RORB: variants seen among roughly 807,000 people sequenced by gnomAD.
RORB encodes the protein nuclear receptor ROR-beta.
RORB carries 6 observed loss-of-function variants against 59.1 expected under a neutral mutation model. That is an observed-to-expected ratio of 0.10 (90% CI 0.06 to 0.20). The LOEUF (loss-of-function observed/expected upper bound fraction) is 0.20. Ranked by LOEUF, RORB falls within the 10% of genes least tolerant of loss-of-function variation. The pLI, the probability that RORB is intolerant of heterozygous loss-of-function variation, is 1.00. For missense variants in RORB, 320 were observed against 560.5 expected (o/e 0.57, Z 4.33); for synonymous variants, 215 against 204.5 (o/e 1.05, Z -0.44).
intron 1 of RORB, among the ~76,000 whole-genome samples, chr9:74,503,844 A>T (rs766563966): frequency 2.6e-5 from 4 of 152,038 alleles, no homozygotes; most frequent in African/African-American, 9.7e-5. Flanking sequence ...GGCTATGTTA[A>T]CTAGTTCTTT....
chr9:74,610,912 C>T (rs1281004988), intron 1 of RORB, among the ~76,000 whole-genome samples: 1 of 152,184 alleles, frequency 6.6e-6, no homozygotes, highest in Non-Finnish European at 1.5e-5. Context: ...AGTGATGCCG[C>T]TGACTTTGCT....
At chr9:74,547,711 T>C (rs1442838882) in intron 1 of RORB, among the ~76,000 whole-genome samples, 1 of 152,154 alleles carries the variant, frequency 6.6e-6, no homozygotes, top group East Asian at 1.9e-4. Context: ...TGTGAGAAGA[T>C]GAGGTCACAG....
chr9:74,503,420 G>T (rs1306242798), intron 1 of RORB, among the ~76,000 whole-genome samples: 2 of 152,002 alleles, frequency 1.3e-5, no homozygotes, highest in African/African-American at 2.4e-5. Context: ...ATTTGAGAGA[G>T]AAAATCATTC....
chr9:74,648,532 A>G (rs1036272922), intron 4 of RORB, among the ~76,000 whole-genome samples: 10 of 152,216 alleles, frequency 6.6e-5, no homozygotes, highest in African/African-American at 2.4e-4. Context: ...CTTGGAAGCA[A>G]CTAAGCAATT....
chr9:74,617,839 G>C (rs1487691336), intron 1 of RORB, among the ~76,000 whole-genome samples: 1 of 152,108 alleles, frequency 6.6e-6, no homozygotes, highest in African/African-American at 2.4e-5. Flanking sequence ...TTTCAAAAAG[G>C]CCACCTGGGT....
intron 1 of RORB, among the ~76,000 whole-genome samples, chr9:74,612,950 A>G (rs1823254993): frequency 6.6e-6 from 1 of 152,256 alleles, no homozygotes; most frequent in Non-Finnish European, 1.5e-5. Context: ...CAGAAAAATA[A>G]CAATTACAAT....
At chr9:74,606,150 C>T (rs750598438) in intron 1 of RORB, among the ~76,000 whole-genome samples, 52 of 152,176 alleles carry the variant, frequency 3.4e-4, no homozygotes, top group Admixed American at 1.3e-3. Flanking sequence ...AATCTCTTAA[C>T]ACAATGCCTG....
chr9:74,555,416 C>T (rs138322524), intron 1 of RORB, among the ~76,000 whole-genome samples: 26 of 152,282 alleles, frequency 1.7e-4, no homozygotes, highest in Admixed American at 3.9e-4. Context: ...CAGAAACCAA[C>T]GGCTCTTTGA....
rs537789516 is a variant in RORB at position 74,671,941 on chromosome 9, A to G, written c.1224+40A>G. ...CACAGAGCCACCACCACCAAAAGAG[A>G]GCACAGTGAGCAAAAAGGACTGCTT... On this transcript the variant is annotated intron_variant, in intron 9 of 9. Coordinates refer to ENST00000376896, the MANE Select transcript of RORB (RefSeq NM_006914.4). The G allele has an allele frequency of 1.8e-5, 20 of 1,120,958 alleles. No individual in the cohort carries two copies. The South Asian group carries it at 2.5e-4, about 14-fold the overall frequency. 69.4% of individuals were successfully genotyped at this position (1,120,958 alleles called of 1,614,324 possible).
intron 1 of RORB, among the ~76,000 whole-genome samples, chr9:74,520,942 T>C (rs1826077785): frequency 6.6e-6 from 1 of 151,956 alleles, no homozygotes; most frequent in Admixed American, 6.6e-5. Context: ...ATTAACCAGA[T>C]CGAGGTGTTA....
At position 74,632,756 on chromosome 9, in the gene RORB, T is replaced by C. The variant is rs931913822; in HGVS notation, c.94-1875T>C. On this transcript the variant is annotated intron_variant, in intron 2 of 9. Transcript: ENST00000376896. ...CAAAGATAAAAACCACACAATTCTG[T>C]CTTAAAATGTAAATTTCAAGTCATC... Among the ~76,000 whole-genome samples, 17 of 152,264 alleles carry C rather than the reference T, an allele frequency of 1.1e-4. No individual in the cohort carries two copies. In the East Asian group the frequency reaches 1.7e-3, roughly 16 times the overall value.
At chr9:74,633,003 G>A (rs568070395) in intron 2 of RORB, among the ~76,000 whole-genome samples, 2 of 152,110 alleles carry the variant, frequency 1.3e-5, no homozygotes, top group African/African-American at 4.8e-5. Flanking sequence ...CTGTTGAATG[G>A]CTAAGCCAGT....
intron 1 of RORB, among the ~76,000 whole-genome samples, chr9:74,565,290 G>C (rs1316675981): frequency 6.6e-6 from 1 of 152,152 alleles, no homozygotes; most frequent in Non-Finnish European, 1.5e-5. Context: ...TAAAATTACT[G>C]TTTGAGAATT....
chr9:74,607,584 C>T (rs926375474), intron 1 of RORB, among the ~76,000 whole-genome samples: 2 of 144,848 alleles, frequency 1.4e-5, no homozygotes, highest in East Asian at 2.0e-4. Context: ...CATGTTTATA[C>T]TATATATATA....
intron 1 of RORB, among the ~76,000 whole-genome samples, chr9:74,587,543 G>T (rs1288818880): frequency 6.6e-6 from 1 of 152,138 alleles, no homozygotes; most frequent in Admixed American, 6.5e-5. Context: ...CAACTGGGTG[G>T]TTCTTCTTGT....
At chr9:74,547,008 C>A (rs1358894275) in intron 1 of RORB, among the ~76,000 whole-genome samples, 1 of 152,068 alleles carries the variant, frequency 6.6e-6, no homozygotes, top group Non-Finnish European at 1.5e-5. Flanking sequence ...GCAGGAGAAT[C>A]TCTTGAACTC....
intron 1 of RORB, among the ~76,000 whole-genome samples, chr9:74,607,621 TAA>T (rs1382770913): frequency 2.0e-5 from 3 of 151,234 alleles, no homozygotes; most frequent in Non-Finnish European, 4.4e-5. Context: ...CACACACACA[TAA>T]GTGTATTCAT....
intron 1 of RORB, among the ~76,000 whole-genome samples, chr9:74,590,360 G>A (rs1417327014): frequency 6.6e-6 from 1 of 152,160 alleles, no homozygotes; most frequent in Non-Finnish European, 1.5e-5. Flanking sequence ...GTAAAGTGTA[G>A]TAGAAATACT....
chr9:74,543,088 C>G (rs761274716), intron 1 of RORB, among the ~76,000 whole-genome samples: 2 of 152,180 alleles, frequency 1.3e-5, no homozygotes, highest in Non-Finnish European at 2.9e-5. Flanking sequence ...TTCTCACAGT[C>G]CCAGATCATG....
Sources: gnomAD v4.1 joint callset for allele counts (sites outside exome capture counted in the v4.1 genomes callset) on GRCh38, gnomAD v4.1.1 for gene constraint, MANE v1.5 for transcripts, NCBI Gene and HGNC (gene_info 2026-07-23, HGNC 2026-07-21) for gene names.